UBR2: variants seen among roughly 807,000 people sequenced by gnomAD.
UBR2 encodes the protein E3 ubiquitin-protein ligase UBR2.
UBR2 carries 92 observed loss-of-function variants against 247.9 expected under a neutral mutation model. That is an observed-to-expected ratio of 0.37 (90% CI 0.31 to 0.44). UBR2 has a LOEUF of 0.44. Ranked by LOEUF, UBR2 falls within the 20% of genes least tolerant of loss-of-function variation. The pLI is 1.00. For synonymous variants in UBR2, 672 were observed against 693.5 expected, an observed-to-expected ratio of 0.97 and a Z score of 0.49; for missense variants, 1,613 against 2,112.6, an observed-to-expected ratio of 0.76 and a Z score of 4.64.
At chr6:42,681,710 A>G (rs1018650234) in intron 42 of UBR2, among the ~76,000 whole-genome samples, 10 of 152,262 alleles carry the variant, frequency 6.6e-5, no homozygotes, top group Non-Finnish European at 1.2e-4. Context: ...AAAGATAAAC[A>G]TAAAGTTACC....
intron 2 of UBR2, among the ~76,000 whole-genome samples, chr6:42,584,020 A>C (rs1343800420): frequency 8.1e-6 from 1 of 124,108 alleles, no homozygotes; most frequent in African/African-American, 3.1e-5. Flanking sequence ...TTTTTGATAC[A>C]GAGTTTTGCT....
At chr6:42,598,052 G>T (rs753874853) in intron 4 of UBR2, among the ~76,000 whole-genome samples, 1 of 152,074 alleles carries the variant, frequency 6.6e-6, no homozygotes, top group Non-Finnish European at 1.5e-5. Context: ...AAAGCTGGGG[G>T]AAACCTGGTG....
chr6:42,640,641 G>A (rs937916863), intron 16 of UBR2, among the ~76,000 whole-genome samples: 5 of 152,090 alleles, frequency 3.3e-5, no homozygotes, highest in Non-Finnish European at 7.4e-5. Flanking sequence ...CATGGGGGAC[G>A]TCAGTCTTTT....
intron 2 of UBR2, among the ~76,000 whole-genome samples, chr6:42,574,803 C>A (rs111860941): frequency 0.022 from 3,353 of 151,806 alleles, 116 homozygotes; most frequent in African/African-American, 0.076. Flanking sequence ...TCAAGTGATC[C>A]TTCTGCCTCA....
chr6:42,676,549 A>G (rs1798730860), intron 39 of UBR2, among the ~76,000 whole-genome samples: 1 of 152,156 alleles, frequency 6.6e-6, no homozygotes, highest in African/African-American at 2.4e-5. Context: ...CTTGTTTTTC[A>G]TACACTTTAA....
rs964858770 is a variant in UBR2 at position 42,659,474 on chromosome 6, T to TGG, written c.3243-180_3243-179dup. Among the ~76,000 whole-genome samples, 24 of 151,256 alleles carry TGG rather than the reference T, an allele frequency of 1.6e-4. No homozygotes were observed. Among genetic ancestry groups the TGG allele is most frequent in the Non-Finnish European group, 3.2e-4 (22 of 67,908 alleles). ...CAAGATTGTGCCACTCACCCCAGCCTGGGTGACAGAGCAAGACTCTGTCTC... is the reference window on the plus strand; with the variant it reads ...CAAGATTGTGCCACTCACCCCAGCCTGGGGGTGACAGAGCAAGACTCTGTCTC... On this transcript the variant is annotated intron_variant, in intron 29 of 46. Coordinates refer to ENST00000372901, the MANE Select transcript of UBR2 (RefSeq NM_001363705.2). This position sits in a 1 kb window ranked among gnomAD's most constrained non-coding sequence, Gnocchi z 4.3.
chr6:42,609,918 A>AT (rs1446494915), intron 7 of UBR2, among the ~76,000 whole-genome samples: 2 of 151,874 alleles, frequency 1.3e-5, no homozygotes, highest in Non-Finnish European at 2.9e-5. Context: ...AGAAAAAAAA[A>AT]GATGTTGATA....
chr6:42,617,459 GTT>G lies in UBR2; in HGVS notation c.1236_1237del (p.Val414ArgfsTer29). 6.4e-7 allele frequency: 1 copy of G among 1,559,496 alleles called. No homozygotes were observed. Among genetic ancestry groups the G allele is most frequent in the South Asian group, 1.2e-5 (1 of 85,396 alleles). Reference sequence around the variant, plus strand: ...ATGTGACAGATGACCACGACAGAGAGTTTTCAGTCGCAGACCTCTCGGTTCAG... The same window carrying G: ...ATGTGACAGATGACCACGACAGAGAGTTCAGTCGCAGACCTCTCGGTTCAG... ...DYVTDDHDREFSVADLSVQIF... is the reference protein window; with the variant it reads ...DYVTDDHDREXSVADLSVQIF... On this transcript the variant is annotated frameshift_variant, in exon 11 of 47. Coordinates refer to ENST00000372901, the MANE Select transcript of UBR2 (RefSeq NM_001363705.2). LOFTEE classifies it high-confidence loss of function.
rs1288392012 is a variant in UBR2 at position 42,570,986 on chromosome 6, A to AT, written c.79-2734dup. Among the ~76,000 whole-genome samples the AT allele has an allele frequency of 7.2e-3, 1,037 of 143,192 alleles. 3 individuals are homozygous for AT. The highest frequency in any genetic ancestry group is 0.017 in the African/African-American group (671 of 39,288). 93.9% of individuals were successfully genotyped at this position (143,192 alleles called of 152,430 possible). ...AGGCATGAGCCAAAGAGCCTGGCCG[A>AT]TTTTTTTTTTTTTTCTTAACCAGAA... On this transcript the variant is annotated intron_variant, in intron 1 of 46. Transcript: ENST00000372901.
At position 42,692,758 on chromosome 6, in the gene UBR2, A is replaced by G. The variant is rs1799809392; in HGVS notation, c.*1585A>G. 1 of 152,246 alleles carries G rather than the reference A, an allele frequency of 6.6e-6. No homozygotes were observed. The allele number at this position is 152,246 out of a possible 1,614,324, so 9.4% of individuals were successfully genotyped here. A position where few individuals can be genotyped will look rare whatever the true frequency, so the allele number is the denominator to read the frequency against. On this transcript the variant is annotated 3_prime_UTR_variant, in exon 47 of 47. Transcript: ENST00000372901. ...GAAGCTAAAAGAAGTGAGGATGTAG[A>G]AGCCACATTCCTCTCCAAGGTAGTG...
At chr6:42,580,457 A>G (rs377451246) in intron 2 of UBR2, among the ~76,000 whole-genome samples, 6 of 152,336 alleles carry the variant, frequency 3.9e-5, no homozygotes, top group African/African-American at 7.2e-5. Context: ...TTATATTACT[A>G]AAATTTTATC....
chr6:42,643,951 G>A (rs1796592294), intron 18 of UBR2, among the ~76,000 whole-genome samples: 1 of 152,144 alleles, frequency 6.6e-6, no homozygotes, highest in African/African-American at 2.4e-5. Flanking sequence ...CATAGTCTGT[G>A]TTACTGTGCT....
chr6:42,670,271 T>G, intron 35 of UBR2, 31 bp downstream of exon 35: 1 of 1,601,972 alleles, frequency 6.2e-7, no homozygotes, highest in Non-Finnish European at 8.5e-7. Context: ...TCTCTATAAG[T>G]CACAAGCATT....
At chr6:42,614,212 A>ATATG (rs1794295543) in intron 8 of UBR2, among the ~76,000 whole-genome samples, 1 of 53,438 alleles carries the variant, frequency 1.9e-5, no homozygotes, top group African/African-American at 6.0e-5. Flanking sequence ...AAAACTATAT[A>ATATG]TATATACACA....
At chr6:42,684,412 T>TAA (rs767838430) in intron 43 of UBR2, among the ~76,000 whole-genome samples, 9 of 142,346 alleles carry the variant, frequency 6.3e-5, no homozygotes, top group Non-Finnish European at 9.2e-5. Context: ...CTGTCTCTAC[T>TAA]AAAAAAAAAA....
chr6:42,642,396 A>G lies in UBR2; in HGVS notation c.2032-20A>G, dbSNP rs1796500475. 1 of 1,540,584 alleles carries G rather than the reference A, an allele frequency of 6.5e-7. No homozygotes were observed. The highest frequency in any genetic ancestry group is 8.9e-7 in the Non-Finnish European group (1 of 1,125,980). On this transcript the variant is annotated intron_variant, in intron 17 of 46. Transcript: ENST00000372901. The stretch of plus-strand genomic sequence containing the variant: ...AGCCAATAAAAACTATTTACTCAAT[A>G]TAATTACTTTTTTTTTTAGATTTAT...
chr6:42,604,858 C>G (rs1057162374), intron 5 of UBR2, among the ~76,000 whole-genome samples: 9 of 151,978 alleles, frequency 5.9e-5, no homozygotes, highest in Admixed American at 2.0e-4. Flanking sequence ...AAGACCCCGC[C>G]TCTACAAAAA....
intron 26 of UBR2, among the ~76,000 whole-genome samples, chr6:42,657,648 A>G (rs2395922): frequency 0.42 from 64,053 of 152,148 alleles, 13,529 homozygotes; most frequent in African/African-American, 0.47. Flanking sequence ...ATTAAAGTCA[A>G]TGGTCAGAGC....
chr6:42,684,986 C>A, intron 44 of UBR2, 115 bp downstream of exon 44: 2 of 814,870 alleles, frequency 2.5e-6, no homozygotes, highest in Non-Finnish European at 3.7e-6. Context: ...TATCTGTAGT[C>A]CTTTATGAGA....
Sources: allele counts gnomAD v4.1 joint callset (sites outside exome capture counted in the v4.1 genomes callset), GRCh38; gene constraint gnomAD v4.1.1; non-coding constraint Gnocchi (gnomAD v3.1); transcripts MANE v1.5; gene names NCBI Gene and HGNC (gene_info 2026-07-23, HGNC 2026-07-21).